Variants in MYO1F observed in about 807,000 individuals in gnomAD.
MYO1F encodes unconventional myosin-If.
Under a neutral mutation model 146.6 loss-of-function variants are expected in MYO1F, and 60 were observed. That is an observed-to-expected ratio of 0.41 (90% CI 0.33 to 0.51). The LOEUF (loss-of-function observed/expected upper bound fraction) is 0.51. Among genes scored for constraint, MYO1F ranks in the 20% least tolerant of loss-of-function variants. The probability of loss-of-function intolerance (pLI) is 0.25; values close to 1 mark genes in which losing one functional copy is unlikely to be tolerated. For synonymous variants in MYO1F, 602 were observed against 602.1 expected, an observed-to-expected ratio of 1.00 and a Z score of 0.00; for missense variants, 1,274 against 1,534.3, an observed-to-expected ratio of 0.83 and a Z score of 2.83.
chr19:8,540,092 A>C (rs533011270), intron 15 of MYO1F, 64 bp from the exon 16 acceptor site: 1 of 1,373,498 alleles, frequency 7.3e-7, no homozygotes. Context: ...CTCTTCCTCC[A>C]GGGGTGGGGC....
chr19:8,560,904 A>AT (rs1185493643), intron 1 of MYO1F, among the ~76,000 whole-genome samples: 37 of 151,934 alleles, frequency 2.4e-4, no homozygotes, highest in East Asian at 9.7e-4. Context: ...ACGGCGGCTA[A>AT]TTTTTTGTAT....
chr19:8,555,842 C>G, intron 1 of MYO1F, 46 bp from the exon 2 acceptor site: 1 of 1,571,826 alleles, frequency 6.4e-7, no homozygotes, highest in Middle Eastern at 2.0e-4. Context: ...CACGGGGATG[C>G]GGCACCTGGC....
At chr19:8,521,697 A>G (rs917021962) in intron 27 of MYO1F, 93 bp from the exon 28 acceptor site, 26 of 1,188,002 alleles carry the variant, frequency 2.2e-5, no homozygotes, top group Middle Eastern at 1.9e-4. Context: ...GGGACTCCCT[A>G]TGTTGTCCAG....
At chr19:8,560,949 G>T (rs1974073149) in intron 1 of MYO1F, among the ~76,000 whole-genome samples, 1 of 151,836 alleles carries the variant, frequency 6.6e-6, no homozygotes, top group Non-Finnish European at 1.5e-5. Flanking sequence ...GTATTAGCCA[G>T]GATGGTCTCA....
intron 1 of MYO1F, among the ~76,000 whole-genome samples, chr19:8,574,629 CTT>C (rs1195019015): frequency 0.014 from 607 of 43,658 alleles, 3 homozygotes; most frequent in East Asian, 0.056. Context: ...TTCTTTCTTT[CTT>C]TCTTTCTTTC....
At position 8,553,356 on chromosome 19, in the gene MYO1F, C is replaced by T. The variant is rs372911359; in HGVS notation, c.408G>A (p.Lys136=). Residue 136 remains lysine (K), a synonymous_variant, in exon 5 of 28, where the codon AAG becomes AAA. Coordinates refer to ENST00000644032, the MANE Select transcript of MYO1F (RefSeq NM_012335.4). ...TCTGTTTTCCTCGTCTCACCTGGACCTTCTCGCCTCCGCCAGACACCTTGG... is the reference window on the plus strand; with the variant it reads ...TCTGTTTTCCTCGTCTCACCTGGACTTTCTCGCCTCCGCCAGACACCTTGG... ...YISKVSGGGE[K]VQHVKDIILQ... The T allele has an allele frequency of 6.2e-7, 1 of 1,613,918 alleles. No homozygotes were observed. The highest frequency in any genetic ancestry group is 8.5e-7 in the Non-Finnish European group (1 of 1,180,024).
chr19:8,539,896 G>A, intron 16 of MYO1F, 51 bp downstream of exon 16: 3 of 1,511,890 alleles, frequency 2.0e-6, no homozygotes, highest in Non-Finnish European at 2.7e-6. Flanking sequence ...CAGGTAGGGT[G>A]GAACTCAGCC....
chr19:8,536,789 T>C (rs1258090219), intron 17 of MYO1F, 160 bp downstream of exon 17: 9 of 497,734 alleles, frequency 1.8e-5, no homozygotes, highest in Non-Finnish European at 2.9e-5. Flanking sequence ...CTTGTCCTGA[T>C]GGTCCCTTCT....
At chr19:8,553,601 G>C (rs1373838073) in intron 4 of MYO1F, among the ~76,000 whole-genome samples, 164 bp from the exon 5 acceptor site, 1 of 152,020 alleles carries the variant, frequency 6.6e-6, no homozygotes, top group African/African-American at 2.4e-5. Flanking sequence ...AGCCGGGCAT[G>C]GTGGCTCCTG....
chr19:8,574,757 CTCTT>C (rs1402812838), intron 1 of MYO1F, among the ~76,000 whole-genome samples: 8 of 134,354 alleles, frequency 6.0e-5, no homozygotes, highest in South Asian at 2.4e-4. Flanking sequence ...CTTTCTCTCT[CTCTT>C]TCTTTTTTTT....
In MYO1F at chr19:8,550,190, G is replaced by A; in HGVS notation, c.1071C>T (p.Leu357=). The change falls in exon 10 of 28, where the codon CTC becomes CTT. Residue 357 remains leucine (L), a synonymous_variant. Coordinates refer to ENST00000644032, the MANE Select transcript of MYO1F (RefSeq NM_012335.4). ...CGAGGAAGTCGAAGAGGCGGGCATAGAGCCCCTTGGCCAGGGCATCACGGG... is the reference window on the plus strand; with the variant it reads ...CGAGGAAGTCGAAGAGGCGGGCATAAAGCCCCTTGGCCAGGGCATCACGGG... The part of the protein sequence containing the change: ...AYTRDALAKG[L]YARLFDFLVE... 1 of 1,614,112 alleles carries A rather than the reference G, an allele frequency of 6.2e-7. No homozygotes were observed. Among genetic ancestry groups the A allele is most frequent in the Non-Finnish European group, 8.5e-7 (1 of 1,180,042 alleles).
chr19:8,563,490 G>C (rs1314545422), intron 1 of MYO1F, among the ~76,000 whole-genome samples: 2 of 139,116 alleles, frequency 1.4e-5, no homozygotes, highest in East Asian at 4.3e-4. Flanking sequence ...GTAGAGACAG[G>C]ATTTTTCTTT....
chr19:8,564,918 G>A (rs1460991208), intron 1 of MYO1F, among the ~76,000 whole-genome samples: 5 of 151,932 alleles, frequency 3.3e-5, no homozygotes, highest in Non-Finnish European at 7.4e-5. Flanking sequence ...AATTACAGGC[G>A]CCTGCCACCA....
intron 19 of MYO1F, 36 bp downstream of exon 19, chr19:8,536,216 C>G (rs376620902): frequency 1.3e-6 from 2 of 1,599,504 alleles, no homozygotes; most frequent in Non-Finnish European, 1.7e-6. Context: ...TCTCTCTTCC[C>G]CTCTCCTTCT....
chr19:8,530,267 G>C lies in MYO1F; in HGVS notation c.2257C>G (p.Arg753Gly). Residue 753 changes from arginine to glycine, a missense_variant, in exon 21 of 28, where the codon CGT becomes GGT. Physicochemically the swap from Arg to Gly is moderately radical, Grantham distance 125. Around this residue, in one of 2 missense-constraint regions of MYO1F, gnomAD observed 900 missense variants for 1,155.1 expected, o/e 0.78. Coordinates refer to ENST00000644032, the MANE Select transcript of MYO1F (RefSeq NM_012335.4). This position sits in a 1 kb window ranked among gnomAD's most constrained non-coding sequence, Gnocchi z 5.8. Reference protein sequence around the residue: ...YLGLEERPELRQFLGKRERVD... With the variant: ...YLGLEERPELGQFLGKRERVD... Reference sequence around the variant, plus strand: ...CGCTCCCTCTTGCCCAGGAACTGACGCAGCTCGGGCCGCTCCTCCAGCCCC... The same window carrying C: ...CGCTCCCTCTTGCCCAGGAACTGACCCAGCTCGGGCCGCTCCTCCAGCCCC... The C allele has an allele frequency of 6.2e-7, 1 of 1,614,106 alleles. No individual in the cohort carries two copies. Among genetic ancestry groups the C allele is most frequent in the Non-Finnish European group, 8.5e-7 (1 of 1,180,014 alleles).
Position 8,521,582 on chromosome 19 carries a change from G to C in MYO1F, c.3243C>G (p.Gly1081=), listed in dbSNP as rs759811979. The C allele has an allele frequency of 2.3e-5, 37 of 1,614,124 alleles. No homozygotes were observed. In the Middle Eastern group the frequency reaches 9.9e-4, roughly 43 times the overall value. ...AAAGGCCCTCCTGGCCGTGAAGCCGGCCCTTCCACCAGCCCGAGGGATCTG... is the reference window on the plus strand; with the variant it reads ...AAAGGCCCTCCTGGCCGTGAAGCCGCCCCTTCCACCAGCCCGAGGGATCTG... ...LMEDPSGWWK[G]RLHGQEGLFP... Residue 1081 remains glycine, a synonymous_variant, in exon 28 of 28, where the codon GGC becomes GGG. Transcript: ENST00000644032.
At position 8,530,081 on chromosome 19, in the gene MYO1F, T is replaced by C. The variant is rs1972417260; in HGVS notation, c.2328+115A>G. ...GGGCCAGGTGAGGGTGTACCTGTGA[T>C]GGAACAGATGGATCTAGGCTGGGGG... On this transcript the variant is annotated intron_variant, in intron 21 of 27. Coordinates refer to ENST00000644032, the MANE Select transcript of MYO1F (RefSeq NM_012335.4). This position sits in a 1 kb window ranked among gnomAD's most constrained non-coding sequence, Gnocchi z 5.8. The C allele has an allele frequency of 4.2e-6, 6 of 1,416,234 alleles. No homozygotes were observed. The highest frequency in any genetic ancestry group is 1.4e-5 in the African/African-American group (1 of 70,874). The allele number at this position is 1,416,234 out of a possible 1,614,324, so 87.7% of individuals were successfully genotyped here.
intron 8 of MYO1F, 105 bp from the exon 9 acceptor site, chr19:8,550,799 CT>C: frequency 6.6e-7 from 1 of 1,506,002 alleles, no homozygotes; most frequent in South Asian, 1.2e-5. Context: ...AGTGAGCACC[CT>C]TGGGTCCCTG....
At chr19:8,547,986 A>AAC in intron 12 of MYO1F, 50 bp downstream of exon 12, 10 of 837,518 alleles carry the variant, frequency 1.2e-5, no homozygotes, top group Admixed American at 5.2e-5. Flanking sequence ...TGGTCCTTCC[A>AAC]CCCCACCCCC....
Sources: allele counts gnomAD v4.1 joint callset (sites outside exome capture counted in the v4.1 genomes callset), GRCh38; gene constraint gnomAD v4.1.1; regional missense constraint gnomAD v4.1.1; non-coding constraint Gnocchi (gnomAD v3.1); transcripts MANE v1.5; gene names NCBI Gene and HGNC (gene_info 2026-07-23, HGNC 2026-07-21).